SLCO2A1: variants seen among roughly 807,000 people sequenced by gnomAD.
The protein encoded by SLCO2A1 is matrin F/G 1.
A neutral mutation model predicts 71.7 loss-of-function variants in SLCO2A1; 60 were observed. The observed-to-expected ratio is 0.84, with a 90% CI of 0.68 to 1.04. SLCO2A1 has a LOEUF of 1.04. SLCO2A1 is among the 50% of genes least tolerant of loss of function. The probability of loss-of-function intolerance (pLI) is 0.00; values close to 1 mark genes in which losing one functional copy is unlikely to be tolerated. For synonymous variants in SLCO2A1, 308 were observed against 326.7 expected (o/e 0.94, Z 0.62); for missense variants, 745 against 813.4 (o/e 0.92, Z 1.02).
At chr3:134,019,529 G>T (rs1385997266) in intron 1 of SLCO2A1, among the ~76,000 whole-genome samples, 1 of 152,122 alleles carries the variant, frequency 6.6e-6, no homozygotes, top group Admixed American at 6.5e-5. Context: ...ATCTCAGATG[G>T]GTACTGATCC....
At chr3:134,029,175 T>C (rs1176740959) in intron 1 of SLCO2A1, among the ~76,000 whole-genome samples, 2 of 152,092 alleles carry the variant, frequency 1.3e-5, no homozygotes, top group Non-Finnish European at 2.9e-5. Context: ...CCCGCCCCCG[T>C]TGGCGGGAGA....
At chr3:133,946,687 T>C (rs1933586190) in intron 9 of SLCO2A1, among the ~76,000 whole-genome samples, 1 of 152,200 alleles carries the variant, frequency 6.6e-6, no homozygotes, top group Non-Finnish European at 1.5e-5. Context: ...ATCAAACAAA[T>C]TAGTTTTTGG....
chr3:133,938,560 C>A, intron 11 of SLCO2A1, 67 bp from the exon 12 acceptor site: 1 of 1,483,880 alleles, frequency 6.7e-7, no homozygotes, highest in East Asian at 2.3e-5. Context: ...GGGTAAGGGG[C>A]AGCCAGCCTC....
chr3:133,994,510 GCTCT>G (rs1215832527), intron 1 of SLCO2A1, among the ~76,000 whole-genome samples: 3 of 152,052 alleles, frequency 2.0e-5, no homozygotes, highest in Non-Finnish European at 4.4e-5. Context: ...CTGTGTTCTA[GCTCT>G]CTCTCTCTGA....
At position 133,997,927 on chromosome 3, in the gene SLCO2A1, T is replaced by G. The variant is rs568076531; in HGVS notation, c.97-18309A>C. Among the ~76,000 whole-genome samples the G allele has an allele frequency of 3.3e-5, 5 of 152,320 alleles. No individual in the cohort carries two copies. In the East Asian group the frequency reaches 5.8e-4, roughly 18 times the overall value. ...CTCACATGTGAGGTGGTGATAACAG[T>G]AGTGACTGTCTAGGAGTGTTTGGAG... On this transcript the variant is annotated intron_variant, in intron 1 of 13. Transcript: ENST00000310926.
At chr3:134,028,730 C>A (rs957413842) in intron 1 of SLCO2A1, among the ~76,000 whole-genome samples, 1 of 152,232 alleles carries the variant, frequency 6.6e-6, no homozygotes, top group African/African-American at 2.4e-5. Flanking sequence ...TGATCCCACC[C>A]TGACCAGAAG....
chr3:133,953,437 G>A (rs1933798721), intron 5 of SLCO2A1, among the ~76,000 whole-genome samples: 1 of 152,250 alleles, frequency 6.6e-6, no homozygotes. Flanking sequence ...AAGTGAGTTT[G>A]CTTCAGCAGC....
chr3:133,965,353 C>T (rs192882986), intron 3 of SLCO2A1, among the ~76,000 whole-genome samples: 6 of 152,314 alleles, frequency 3.9e-5, no homozygotes, highest in East Asian at 3.9e-4. Flanking sequence ...AAAGCATGCC[C>T]GGCTCGGGTG....
intron 1 of SLCO2A1, among the ~76,000 whole-genome samples, chr3:134,011,656 T>C (rs1035924267): frequency 6.6e-6 from 1 of 152,168 alleles, no homozygotes; most frequent in Non-Finnish European, 1.5e-5. Context: ...CTGGGACCCA[T>C]AAGACCCGTT....
chr3:134,023,588 C>T (rs1455206933), intron 1 of SLCO2A1, among the ~76,000 whole-genome samples: 2 of 152,168 alleles, frequency 1.3e-5, no homozygotes, highest in Non-Finnish European at 2.9e-5. Flanking sequence ...CTGTGGACCA[C>T]TAAAGAGCAA....
chr3:133,945,810 G>A (rs1442388062), intron 9 of SLCO2A1, among the ~76,000 whole-genome samples: 3 of 152,154 alleles, frequency 2.0e-5, no homozygotes, highest in South Asian at 2.1e-4. Context: ...CTTCGGGGAG[G>A]GTTGGGAAAG....
intron 1 of SLCO2A1, among the ~76,000 whole-genome samples, chr3:134,016,126 G>T (rs1935450788): frequency 6.6e-6 from 1 of 152,126 alleles, no homozygotes; most frequent in East Asian, 1.9e-4. Flanking sequence ...AAGGTTTGGT[G>T]AAGAGTTCTT....
rs1246777569 is a variant in SLCO2A1, at chr3:133,934,556, T to C, written c.*157A>G. 2 of 583,640 alleles carry C rather than the reference T, an allele frequency of 3.4e-6. No homozygotes were observed. The highest frequency in any genetic ancestry group is 3.0e-5 in the East Asian group (1 of 32,818). 36.2% of individuals were successfully genotyped at this position (583,640 alleles called of 1,614,324 possible). A position where few individuals can be genotyped will look rare whatever the true frequency, so the allele number is the denominator to read the frequency against. On this transcript the variant is annotated 3_prime_UTR_variant, in exon 14 of 14. Coordinates refer to ENST00000310926, the MANE Select transcript of SLCO2A1 (RefSeq NM_005630.3). ...GGCCCTTAGGAACTGTGGGGAGGAC[T>C]CTGGGAGGAAGAGGTAGGGAAGGCA...
At chr3:133,936,171 A>G (rs1933266017) in intron 12 of SLCO2A1, among the ~76,000 whole-genome samples, 2 of 152,168 alleles carry the variant, frequency 1.3e-5, no homozygotes, top group African/African-American at 4.8e-5. Flanking sequence ...CAGACATCCA[A>G]CATAGTTCTC....
intron 2 of SLCO2A1, among the ~76,000 whole-genome samples, chr3:133,975,038 A>G (rs1226403201): frequency 6.6e-6 from 1 of 151,798 alleles, no homozygotes; most frequent in Non-Finnish European, 1.5e-5. Flanking sequence ...CCATGACACC[A>G]TCCTCTCCTG....
In SLCO2A1 at chr3:133,932,831, TGTG is replaced by T. The variant is rs898383806; in HGVS notation, c.*1879_*1881del. ...TCAGCTGAAGGCAGTGCCTTCCAAA[TGTG>T]GTTAAATTGCCATGGGAAAGACCAG... On this transcript the variant is annotated 3_prime_UTR_variant, in exon 14 of 14. Transcript: ENST00000310926. 1 of 152,588 alleles carries T rather than the reference TGTG, an allele frequency of 6.6e-6. No homozygotes were observed. The highest frequency in any genetic ancestry group is 1.5e-5 in the Non-Finnish European group (1 of 68,030). The allele number at this position is 152,588 out of a possible 1,614,324, so 9.5% of individuals were successfully genotyped here. A position where few individuals can be genotyped will look rare whatever the true frequency, so the allele number is the denominator to read the frequency against.
At chr3:133,959,388 G>A (rs1338573070) in intron 3 of SLCO2A1, among the ~76,000 whole-genome samples, 2 of 144,324 alleles carry the variant, frequency 1.4e-5, no homozygotes, top group Non-Finnish European at 2.9e-5. Flanking sequence ...CCATCAGGAT[G>A]GCTATTACCA....
intron 1 of SLCO2A1, among the ~76,000 whole-genome samples, chr3:133,984,930 T>C (rs1934678886): frequency 6.6e-6 from 1 of 152,192 alleles, no homozygotes; most frequent in Non-Finnish European, 1.5e-5. Flanking sequence ...AAAACTATGA[T>C]AACACCTGAG....
intron 1 of SLCO2A1, among the ~76,000 whole-genome samples, chr3:134,001,088 G>A (rs1465864471): frequency 1.3e-5 from 2 of 151,884 alleles, no homozygotes; most frequent in Non-Finnish European, 2.9e-5. Context: ...CATGGGGGCT[G>A]TTGGTGGGTG....
Sources: gnomAD v4.1 joint callset for allele counts (sites outside exome capture counted in the v4.1 genomes callset) on GRCh38, gnomAD v4.1.1 for gene constraint, MANE v1.5 for transcripts, NCBI Gene and HGNC (gene_info 2026-07-23, HGNC 2026-07-21) for gene names.